The following ANKRD30B variants were observed in gnomAD, a reference collection of about 807,000 sequenced individuals.
ANKRD30B encodes the protein ankyrin repeat domain-containing protein 30B.
Under a neutral mutation model 202.2 loss-of-function variants are expected in ANKRD30B, and 144 were observed. That is an observed-to-expected ratio of 0.71 (90% CI 0.62 to 0.82). The LOEUF (loss-of-function observed/expected upper bound fraction) is 0.82. Ranked by LOEUF, ANKRD30B falls within the 40% of genes least tolerant of loss-of-function variation. ANKRD30B has a pLI of 0.00. For synonymous variants in ANKRD30B, 508 were observed against 561.3 expected (o/e 0.91, Z 1.34); for missense variants, 1,487 against 1,669.1 (o/e 0.89, Z 1.90).
chr18:14,763,562 A>G (rs1488998992), intron 6 of ANKRD30B, 124 bp from the exon 7 acceptor site: 2 of 1,362,804 alleles, frequency 1.5e-6, no homozygotes, highest in Non-Finnish European at 2.0e-6. Flanking sequence ...AAAAGAGAAG[A>G]GAGAAAAGAA....
At position 14,787,029 on chromosome 18, in the gene ANKRD30B, C is replaced by T. The variant is rs749121887; in HGVS notation, c.1673-10C>T. Reference sequence around the variant, plus strand: ...TTCTCATGAATACATCTGTGATTAACCTTTTATAGCTCAGATGTTCCCATC... The same window carrying T: ...TTCTCATGAATACATCTGTGATTAATCTTTTATAGCTCAGATGTTCCCATC... On this transcript the variant is annotated splice_polypyrimidine_tract_variant and intron_variant, in intron 14 of 43. Coordinates refer to ENST00000690538, the MANE Select transcript of ANKRD30B (RefSeq NM_001367607.2). 6 of 1,605,288 alleles carry T rather than the reference C, an allele frequency of 3.7e-6. No individual in the cohort carries two copies. The highest frequency in any genetic ancestry group is 1.7e-4 in the Middle Eastern group (1 of 6,006).
intron 30 of ANKRD30B, among the ~76,000 whole-genome samples, chr18:14,818,089 G>A (rs1004781237): frequency 2.6e-5 from 4 of 152,090 alleles, no homozygotes; most frequent in African/African-American, 9.7e-5. Flanking sequence ...GATTAAGCAT[G>A]TTTTATTCAT....
chr18:14,933,114 C>T, the ANKRD30B span, among the ~76,000 whole-genome samples: 1 of 152,184 alleles, frequency 6.6e-6, no homozygotes, highest in Non-Finnish European at 1.5e-5. Flanking sequence ...AAAAATGGAA[C>T]TTTCAGTCCT....
At chr18:14,757,442 T>C (rs905706715) in intron 4 of ANKRD30B, among the ~76,000 whole-genome samples, 3 of 152,244 alleles carry the variant, frequency 2.0e-5, no homozygotes, top group Non-Finnish European at 4.4e-5. Flanking sequence ...TTATTCCTAA[T>C]ATTGTTTTAA....
chr18:14,754,571 T>C (rs1363370010), intron 3 of ANKRD30B, among the ~76,000 whole-genome samples: 1 of 152,166 alleles, frequency 6.6e-6, no homozygotes, highest in Non-Finnish European at 1.5e-5. Flanking sequence ...TTTACTACTA[T>C]GTCTTAGGGT....
chr18:14,937,246 A>G, the ANKRD30B span, among the ~76,000 whole-genome samples: 1 of 152,230 alleles, frequency 6.6e-6, no homozygotes, highest in Non-Finnish European at 1.5e-5. Flanking sequence ...CCTAACTTCT[A>G]GAGACCGAGT....
At chr18:14,906,053 T>G in the ANKRD30B span, among the ~76,000 whole-genome samples, 1 of 152,110 alleles carries the variant, frequency 6.6e-6, no homozygotes, top group Non-Finnish European at 1.5e-5. Flanking sequence ...TTTTTTTTTT[T>G]GGTTTACACC....
chr18:14,932,270 T>C, the ANKRD30B span, among the ~76,000 whole-genome samples: 8 of 151,702 alleles, frequency 5.3e-5, 1 homozygote, highest in Non-Finnish European at 1.0e-4. Flanking sequence ...GGCAGTGGCC[T>C]CCAGGGCTGC....
chr18:14,771,140 C>G (rs1342089872), intron 8 of ANKRD30B, among the ~76,000 whole-genome samples: 1 of 152,126 alleles, frequency 6.6e-6, no homozygotes, highest in Non-Finnish European at 1.5e-5. Context: ...CGTTGTTTTT[C>G]AGGAACAGGT....
chr18:14,895,411 A>C, the ANKRD30B span, among the ~76,000 whole-genome samples: 1 of 152,262 alleles, frequency 6.6e-6, no homozygotes, highest in East Asian at 1.9e-4. Flanking sequence ...AAAGCAACCA[A>C]AACTCTTTCA....
chr18:14,928,286 G>A, the ANKRD30B span, among the ~76,000 whole-genome samples: 2 of 152,132 alleles, frequency 1.3e-5, no homozygotes, highest in South Asian at 4.1e-4. Flanking sequence ...TTAATTTTAT[G>A]TGTCAGCCTC....
At chr18:14,771,393 A>G (rs1598595047) in intron 8 of ANKRD30B, among the ~76,000 whole-genome samples, 1 of 152,182 alleles carries the variant, frequency 6.6e-6, no homozygotes, top group Non-Finnish European at 1.5e-5. Flanking sequence ...CTCCTTGGGT[A>G]TAAGTACCTA....
intron 32 of ANKRD30B, among the ~76,000 whole-genome samples, chr18:14,827,186 GAACAGACCATTTTGATGACT>G (rs1482181620): frequency 6.6e-6 from 1 of 152,128 alleles, no homozygotes; most frequent in East Asian, 1.9e-4. Context: ...TGGGATACAG[GAACAGACCATTTTGATGACT>G]AATGGGCAGA....
At chr18:14,860,408 T>C in the ANKRD30B span, among the ~76,000 whole-genome samples, 18 of 112,788 alleles carry the variant, frequency 1.6e-4, no homozygotes, top group South Asian at 6.6e-4. Flanking sequence ...GAGGCGCTCC[T>C]CACCTCCCAG....
At chr18:14,805,950 G>T (rs1389365616) in intron 24 of ANKRD30B, among the ~76,000 whole-genome samples, 4 of 150,434 alleles carry the variant, frequency 2.7e-5, no homozygotes, top group Admixed American at 2.6e-4. Flanking sequence ...GCCAGGCGTG[G>T]TGACTCACGC....
intron 30 of ANKRD30B, among the ~76,000 whole-genome samples, chr18:14,819,732 C>T (rs1177759102): frequency 2.8e-4 from 43 of 151,624 alleles, no homozygotes; most frequent in African/African-American, 4.6e-4. Context: ...ATCTCTGTTT[C>T]GGTACCAGTA....
chr18:14,874,594 C>CA, the ANKRD30B span, among the ~76,000 whole-genome samples: 2,374 of 146,500 alleles, frequency 0.016, 65 homozygotes, highest in African/African-American at 0.056. Context: ...ATTTTGAAGC[C>CA]AAAAAAAAAA....
chr18:14,940,734 T>C, the ANKRD30B span, among the ~76,000 whole-genome samples: 94,727 of 152,108 alleles, frequency 0.62, 29,683 homozygotes, highest in African/African-American at 0.69. Flanking sequence ...TTTTCTGTTG[T>C]GGGGCATAAC....
intron 30 of ANKRD30B, among the ~76,000 whole-genome samples, chr18:14,815,344 A>G: frequency 6.7e-6 from 1 of 149,714 alleles, no homozygotes; most frequent in Non-Finnish European, 1.5e-5. Context: ...TTCAAACTTT[A>G]GAAAACCGTC....
Sources: allele counts gnomAD v4.1 joint callset (sites outside exome capture counted in the v4.1 genomes callset), GRCh38; gene constraint gnomAD v4.1.1; transcripts MANE v1.5; gene names NCBI Gene and HGNC (gene_info 2026-07-23, HGNC 2026-07-21).